The following TACR3 variants were observed in gnomAD, a reference collection of about 807,000 sequenced individuals.
TACR3 encodes the protein neuromedin-K receptor.
In TACR3, 34 loss-of-function variants were observed where a neutral mutation model predicts 35.0. That is an observed-to-expected ratio of 0.97 (90% CI 0.74 to 1.30). The LOEUF is 1.30. TACR3 is among the 50% of genes most tolerant of loss of function. The probability of loss-of-function intolerance (pLI) is 0.00; values close to 1 mark genes in which losing one functional copy is unlikely to be tolerated. For synonymous variants in TACR3, 233 were observed against 221.1 expected (o/e 1.05, Z -0.48); for missense variants, 558 against 591.7 (o/e 0.94, Z 0.59).
At position 103,586,456 on chromosome 4, in the gene TACR3, T is replaced by C. The variant is rs956756464; in HGVS notation, c.*3226A>G. 3.9e-5 allele frequency: 6 copies of C among 152,138 alleles called. No individual in the cohort carries two copies. Among genetic ancestry groups the C allele is most frequent in the African/African-American group, 1.4e-4 (6 of 41,440 alleles). The allele number at this position is 152,138 out of a possible 1,614,324, so 9.4% of individuals were successfully genotyped here. ...TGCTTTTCTATTTGATGAAATAGTT[T>C]ACCAGGTACTAATCATAAATTTTTA... On this transcript the variant is annotated 3_prime_UTR_variant, in exon 5 of 5. Coordinates refer to ENST00000304883, the MANE Select transcript of TACR3 (RefSeq NM_001059.3).
At chr4:103,657,528 C>A (rs976505492) in intron 2 of TACR3, among the ~76,000 whole-genome samples, 1 of 151,520 alleles carries the variant, frequency 6.6e-6, no homozygotes, top group African/African-American at 2.4e-5. Context: ...TTATTTGCAC[C>A]ATTTGTTATT....
intron 1 of TACR3, among the ~76,000 whole-genome samples, chr4:103,669,815 T>C (rs140749963): frequency 6.6e-6 from 1 of 152,178 alleles, no homozygotes; most frequent in African/African-American, 2.4e-5. Context: ...ATTTTTTTCA[T>C]TGGTGTGATC....
chr4:103,656,101 A>G, intron 3 of TACR3, 93 bp downstream of exon 3: 1 of 1,475,540 alleles, frequency 6.8e-7, no homozygotes, highest in Non-Finnish European at 9.5e-7. Flanking sequence ...AGAGCATCAG[A>G]TCATATTGTA....
At chr4:103,602,464 C>G (rs1048843358) in intron 3 of TACR3, among the ~76,000 whole-genome samples, 3 of 148,226 alleles carry the variant, frequency 2.0e-5, no homozygotes, top group Non-Finnish European at 3.0e-5. Flanking sequence ...AGGTGCTCTG[C>G]TTTTTAGAGT....
At chr4:103,619,633 C>T (rs1261244437) in intron 3 of TACR3, among the ~76,000 whole-genome samples, 2 of 152,094 alleles carry the variant, frequency 1.3e-5, no homozygotes, top group Non-Finnish European at 2.9e-5. Flanking sequence ...TTTGCCCATT[C>T]AATATGATGT....
intron 3 of TACR3, among the ~76,000 whole-genome samples, chr4:103,637,803 CAGAG>C (rs1430608200): frequency 1.3e-5 from 2 of 152,186 alleles, no homozygotes; most frequent in African/African-American, 2.4e-5. Context: ...AACAGACAAA[CAGAG>C]AGCCAAATCA....
At chr4:103,602,471 G>C (rs551567596) in intron 3 of TACR3, among the ~76,000 whole-genome samples, 3 of 141,834 alleles carry the variant, frequency 2.1e-5, no homozygotes, top group Admixed American at 1.5e-4. Context: ...CTGCTTTTTA[G>C]AGTTTCCAGT....
chr4:103,615,152 TC>T (rs1724617116), intron 3 of TACR3, among the ~76,000 whole-genome samples: 1 of 152,004 alleles, frequency 6.6e-6, no homozygotes, highest in Non-Finnish European at 1.5e-5. Flanking sequence ...CACCTCGGCC[TC>T]CCAAAGTGCT....
At chr4:103,658,812 G>C (rs1725782416) in intron 1 of TACR3, among the ~76,000 whole-genome samples, 1 of 152,058 alleles carries the variant, frequency 6.6e-6, no homozygotes, top group South Asian at 2.1e-4. Context: ...GTGTGGGGAT[G>C]ATTCAAGGGC....
Position 103,589,400 on chromosome 4 carries a change from G to A in TACR3, c.*282C>T, listed in dbSNP as rs1412156962. 5 of 360,392 alleles carry A rather than the reference G, an allele frequency of 1.4e-5. No individual in the cohort carries two copies. Among genetic ancestry groups the A allele is most frequent in the African/African-American group, 4.1e-5 (2 of 48,914 alleles). 22.3% of individuals were successfully genotyped at this position (360,392 alleles called of 1,614,324 possible). On this transcript the variant is annotated 3_prime_UTR_variant, in exon 5 of 5. Coordinates refer to ENST00000304883, the MANE Select transcript of TACR3 (RefSeq NM_001059.3). ...CAATTTGTAAATGAGATAGACTGGC[G>A]AGTTTACAAGTATTTTCCTGACATA...
intron 1 of TACR3, among the ~76,000 whole-genome samples, chr4:103,685,092 G>T (rs1232973349): frequency 6.6e-6 from 1 of 151,948 alleles, no homozygotes; most frequent in Admixed American, 6.6e-5. Context: ...GAAGACTGAA[G>T]TTGGGGGAAT....
intron 3 of TACR3, among the ~76,000 whole-genome samples, chr4:103,643,924 G>T (rs185517779): frequency 2.0e-5 from 3 of 151,724 alleles, no homozygotes. Context: ...TTTTTCAGAT[G>T]ATTGCCAAAC....
chr4:103,674,307 G>GT (rs370370699), intron 1 of TACR3, among the ~76,000 whole-genome samples: 2,784 of 151,018 alleles, frequency 0.018, 91 homozygotes, highest in African/African-American at 0.064. Flanking sequence ...GTGCTATTAT[G>GT]TTTTTCTGTT....
At chr4:103,616,884 G>T (rs1284686860) in intron 3 of TACR3, among the ~76,000 whole-genome samples, 1 of 152,116 alleles carries the variant, frequency 6.6e-6, no homozygotes, top group Non-Finnish European at 1.5e-5. Context: ...GGAGGTCCAG[G>T]TTGCAGTGAG....
intron 3 of TACR3, among the ~76,000 whole-genome samples, chr4:103,642,249 ACAT>A (rs1426503875): frequency 6.6e-6 from 1 of 151,242 alleles, no homozygotes; most frequent in East Asian, 1.9e-4. Context: ...ATATATAATC[ACAT>A]CATATATAAT....
rs1018783658 is a variant in TACR3, at chr4:103,719,601, G to C, written c.75C>G (p.Thr25=). The part of the protein sequence containing the change: ...GGVGADAVNL[T]ASLAAGAATG... ...TGGCCGCCCCGGCAGCTAGCGAGGC[G>C]GTCAGGTTCACGGCGTCTGCACCCA... The change falls in exon 1 of 5, where the codon ACC becomes ACG. Residue 25 remains threonine (T), a synonymous_variant. Transcript: ENST00000304883. The C allele has an allele frequency of 6.2e-7, 1 of 1,613,186 alleles. No homozygotes were observed. Among genetic ancestry groups the C allele is most frequent in the Non-Finnish European group, 8.5e-7 (1 of 1,179,476 alleles).
chr4:103,713,323 G>A (rs963026314), intron 1 of TACR3, among the ~76,000 whole-genome samples: 1 of 151,846 alleles, frequency 6.6e-6, no homozygotes, highest in Non-Finnish European at 1.5e-5. Flanking sequence ...TCCTTTGTAG[G>A]GACATGGATG....
intron 1 of TACR3, among the ~76,000 whole-genome samples, chr4:103,673,674 C>T (rs12647380): frequency 0.15 from 23,437 of 151,856 alleles, 2,352 homozygotes; most frequent in East Asian, 0.43. Context: ...ACACATGCTA[C>T]CAGCAAAATG....
intron 1 of TACR3, among the ~76,000 whole-genome samples, chr4:103,665,071 C>T (rs144902985): frequency 6.6e-5 from 10 of 152,064 alleles, no homozygotes; most frequent in Admixed American, 5.2e-4. Flanking sequence ...CCTTGGCCTC[C>T]CAAAGTGCTG....
Sources: allele counts gnomAD v4.1 joint callset (sites outside exome capture counted in the v4.1 genomes callset), GRCh38; gene constraint gnomAD v4.1.1; transcripts MANE v1.5; gene names NCBI Gene and HGNC (gene_info 2026-07-23, HGNC 2026-07-21).